GCHFR: variants seen among roughly 807,000 people sequenced by gnomAD.
GCHFR encodes GTP cyclohydrolase I feedback regulator.
In GCHFR, 12 loss-of-function variants were observed where a neutral mutation model predicts 10.6. That is an observed-to-expected ratio of 1.13 (90% CI 0.72 to 1.83). The LOEUF is 1.83. Ranked by LOEUF, GCHFR falls within the 40% of genes most tolerant of loss-of-function variation. The pLI, the probability that GCHFR is intolerant of heterozygous loss-of-function variation, is 0.00. For synonymous variants in GCHFR, 54 were observed against 43.7 expected, an observed-to-expected ratio of 1.24 and a Z score of -0.93; for missense variants, 116 against 110.6, an observed-to-expected ratio of 1.05 and a Z score of -0.22.
chr15:40,766,159 A>C (rs1213716832), intron 2 of GCHFR: 4 of 355,296 alleles, frequency 1.1e-5, no homozygotes, highest in African/African-American at 8.4e-5. Context: ...GCAGAAACAG[A>C]GTCCGTTCCC....
In GCHFR at chr15:40,767,625, C is replaced by A. The variant is rs1161367002; in HGVS notation, c.*276C>A. On this transcript the variant is annotated 3_prime_UTR_variant, in exon 3 of 3. Transcript: ENST00000260447. ...AGGCCATGTTCCTCGGGCAGCTGCC[C>A]CGGGCCGGAGCTGGGCACTCCAGCG... The A allele has an allele frequency of 1.7e-5, 10 of 581,092 alleles. No homozygotes were observed. The highest frequency in any genetic ancestry group is 3.2e-5 in the East Asian group (1 of 31,168). 36.0% of individuals were successfully genotyped at this position (581,092 alleles called of 1,614,324 possible). A position where few individuals can be genotyped will look rare whatever the true frequency, so the allele number is the denominator to read the frequency against.
chr15:40,765,001 G>T (rs573639812), intron 1 of GCHFR, among the ~76,000 whole-genome samples: 1 of 152,170 alleles, frequency 6.6e-6, no homozygotes, highest in Non-Finnish European at 1.5e-5. Context: ...GGTTCACCAC[G>T]CAACAGAGAG....
intron 1 of GCHFR, 67 bp downstream of exon 1, chr15:40,764,283 A>T (rs1458553436): frequency 7.0e-7 from 1 of 1,421,562 alleles, no homozygotes; most frequent in African/African-American, 1.5e-5. Context: ...CTGCACCTTC[A>T]TGCCTCCCTC....
chr15:40,764,402 AGCTCTG>A, intron 1 of GCHFR, 186 bp downstream of exon 1: 1 of 481,688 alleles, frequency 2.1e-6, no homozygotes, highest in Non-Finnish European at 3.6e-6. Flanking sequence ...GGACTCAGCG[AGCTCTG>A]GCCGGCCTGA....
chr15:40,765,630 C>G (rs775717595), intron 1 of GCHFR, 197 bp from the exon 2 acceptor site: 4 of 385,102 alleles, frequency 1.0e-5, no homozygotes, highest in Non-Finnish European at 1.9e-5. Flanking sequence ...CTAGGGAGGG[C>G]GCCTACATTG....
chr15:40,767,340 C>T lies in GCHFR; in HGVS notation c.246C>T (p.His82=). The T allele has an allele frequency of 6.3e-7, 1 of 1,599,720 alleles. No individual in the cohort carries two copies. Among genetic ancestry groups the T allele is most frequent in the Non-Finnish European group, 8.5e-7 (1 of 1,174,258 alleles). The change falls in exon 3 of 3, where the codon CAC becomes CAT. Residue 82 remains histidine (H), a synonymous_variant. Coordinates refer to ENST00000260447, the MANE Select transcript of GCHFR (RefSeq NM_005258.3). ...GVGQTLVWCL[H]KE ...GCCAGACGCTGGTGTGGTGTCTGCA[C>T]AAGGAGTGACCTTCTCATGCTGATT...
chr15:40,767,024 G>A (rs1049426250), intron 2 of GCHFR: 1 of 435,256 alleles, frequency 2.3e-6, no homozygotes, highest in East Asian at 3.5e-5. Context: ...TCACTAGCTT[G>A]TTGGGAAGAA....
chr15:40,767,464 G>C lies in GCHFR; in HGVS notation c.*115G>C. Reference sequence around the variant, plus strand: ...GCTCCTCTCTTCCCAAATCATCACCGCCATGGGCCCAGCCCCAAAGGGCAG... The same window carrying C: ...GCTCCTCTCTTCCCAAATCATCACCCCCATGGGCCCAGCCCCAAAGGGCAG... On this transcript the variant is annotated 3_prime_UTR_variant, in exon 3 of 3. Coordinates refer to ENST00000260447, the MANE Select transcript of GCHFR (RefSeq NM_005258.3). 1 of 1,223,522 alleles carries C rather than the reference G, an allele frequency of 8.2e-7. No individual in the cohort carries two copies. Among genetic ancestry groups the C allele is most frequent in the Non-Finnish European group, 1.1e-6 (1 of 897,412 alleles). The allele number at this position is 1,223,522 out of a possible 1,614,324, so 75.8% of individuals were successfully genotyped here.
At chr15:40,765,955 G>A (rs1276157577) in intron 2 of GCHFR, 34 bp downstream of exon 2, 3 of 1,181,436 alleles carry the variant, frequency 2.5e-6, no homozygotes, top group East Asian at 5.0e-5. Context: ...TCCTCTCCCT[G>A]CCAGCCCCTA....
In GCHFR at chr15:40,767,203, C is replaced by A. The variant is rs200668576; in HGVS notation, c.132-23C>A. ...AGCTTGCTGTGTGCCCCTCCTCACC[C>A]CCCCCATCCTGTCTCTTTGCAGTTA... On this transcript the variant is annotated intron_variant, in intron 2 of 2. Coordinates refer to ENST00000260447, the MANE Select transcript of GCHFR (RefSeq NM_005258.3). The A allele has an allele frequency of 6.1e-4, 901 of 1,474,742 alleles. 1 individual carries two copies. The highest frequency in any genetic ancestry group is 7.4e-4 in the Non-Finnish European group (822 of 1,110,298). 91.4% of individuals were successfully genotyped at this position (1,474,742 alleles called of 1,614,324 possible).
rs532898069 is a variant in GCHFR, at chr15:40,764,313, G to A, written c.36+97G>A. The A allele has an allele frequency of 7.9e-5, 90 of 1,140,712 alleles. No homozygotes were observed. In the African/African-American group the frequency reaches 1.3e-3, roughly 17 times the overall value. 70.7% of individuals were successfully genotyped at this position (1,140,712 alleles called of 1,614,324 possible). A position where few individuals can be genotyped will look rare whatever the true frequency, so the allele number is the denominator to read the frequency against. On this transcript the variant is annotated intron_variant, in intron 1 of 2. Coordinates refer to ENST00000260447, the MANE Select transcript of GCHFR (RefSeq NM_005258.3). ...TCCCTCCTGGGCTGCACCCACCGGG[G>A]ACTGGACCGGGAACCCGCCCAGACA... is the stretch of plus-strand genomic sequence containing the variant.
chr15:40,765,947 C>T, intron 2 of GCHFR, 26 bp downstream of exon 2: 1 of 1,255,210 alleles, frequency 8.0e-7, no homozygotes. Flanking sequence ...CCTCAGTATC[C>T]TCTCCCTGCC....
Position 40,767,378 on chromosome 15 carries a change from ACCC to A in GCHFR, c.*31_*33del, listed in dbSNP as rs2141941785. On this transcript the variant is annotated 3_prime_UTR_variant, in exon 3 of 3. Coordinates refer to ENST00000260447, the MANE Select transcript of GCHFR (RefSeq NM_005258.3). ...TCTCATGCTGATTTGCAGACGGGGCACCCCTGTGGAGGGGCTGCTGTGGGCCCT... is the reference window on the plus strand; with the variant it reads ...TCTCATGCTGATTTGCAGACGGGGCACTGTGGAGGGGCTGCTGTGGGCCCT... 1 of 1,579,270 alleles carries A rather than the reference ACCC, an allele frequency of 6.3e-7. No homozygotes were observed. The highest frequency in any genetic ancestry group is 1.4e-5 in the African/African-American group (1 of 72,784).
In GCHFR at chr15:40,764,168, G is replaced by C; in HGVS notation, c.-13G>C. The C allele has an allele frequency of 1.3e-6, 2 of 1,549,370 alleles. No individual in the cohort carries two copies. Among genetic ancestry groups the C allele is most frequent in the Non-Finnish European group, 1.7e-6 (2 of 1,148,132 alleles). On this transcript the variant is annotated 5_prime_UTR_variant, in exon 1 of 3. Transcript: ENST00000260447. Reference sequence around the variant, plus strand: ...AGAGCCCCCGGTGGGAGCCAGGCCGGGACGCGTGCACCATGCCCTACCTGC... The same window carrying C: ...AGAGCCCCCGGTGGGAGCCAGGCCGCGACGCGTGCACCATGCCCTACCTGC...
rs1167547123 is a variant in GCHFR at position 40,767,384 on chromosome 15, G to A, written c.*35G>A. ...GCTGATTTGCAGACGGGGCACCCCTGTGGAGGGGCTGCTGTGGGCCCTGAC... is the reference window on the plus strand; with the variant it reads ...GCTGATTTGCAGACGGGGCACCCCTATGGAGGGGCTGCTGTGGGCCCTGAC... On this transcript the variant is annotated 3_prime_UTR_variant, in exon 3 of 3. Coordinates refer to ENST00000260447, the MANE Select transcript of GCHFR (RefSeq NM_005258.3). 1.9e-6 allele frequency: 3 copies of A among 1,572,500 alleles called. No individual in the cohort carries two copies. In the East Asian group the frequency reaches 7.2e-5, roughly 38 times the overall value.
intron 2 of GCHFR, 107 bp downstream of exon 2, chr15:40,766,028 C>G (rs1888939737): frequency 6.0e-6 from 3 of 501,390 alleles, no homozygotes; most frequent in Non-Finnish European, 1.1e-5. Context: ...CATCAGAGCC[C>G]CCTGCCTGCA....
rs1294026976 is a variant in GCHFR, at chr15:40,765,179, TTTA to T, written c.37-645_37-643del. The stretch of plus-strand genomic sequence containing the variant: ...ATTCTTATTTCTTAAAAGATATGGC[TTTA>T]TTGATATGTAATGTGCATACCATAA... On this transcript the variant is annotated intron_variant, in intron 1 of 2. Coordinates refer to ENST00000260447, the MANE Select transcript of GCHFR (RefSeq NM_005258.3). 6 of 152,256 alleles carry T rather than the reference TTTA, an allele frequency of 3.9e-5. No individual in the cohort carries two copies. The East Asian group carries it at 1.2e-3, about 29-fold the overall frequency. The allele number at this position is 152,256 out of a possible 1,614,324, so 9.4% of individuals were successfully genotyped here.
chr15:40,765,921 T>C lies in GCHFR; in HGVS notation c.131T>C (p.Phe44Ser), dbSNP rs1888936497. The change falls in exon 2 of 3, where the codon TTT becomes TCT. Residue 44 changes from phenylalanine to serine, a missense_variant and splice_region_variant. By Grantham distance (155) the Phe-to-Ser change is radical (BLOSUM62 -2). Coordinates refer to ENST00000260447, the MANE Select transcript of GCHFR (RefSeq NM_005258.3). The part of the protein sequence containing the change: ...ASKRRALGNN[F>S]YEYYVDDPPR... ...AAGAGAAGAGCCTTGGGAAACAACT[T>C]GTAAGTAGCAGCCTCCCTCAGTATC... is the stretch of plus-strand genomic sequence containing the variant. 1.3e-6 allele frequency: 2 copies of C among 1,523,116 alleles called. No individual in the cohort carries two copies. Among genetic ancestry groups the C allele is most frequent in the Non-Finnish European group, 1.8e-6 (2 of 1,109,264 alleles). The allele number at this position is 1,523,116 out of a possible 1,614,324, so 94.4% of individuals were successfully genotyped here.
chr15:40,765,885 TG>T lies in GCHFR; in HGVS notation c.100del (p.Ala34LeufsTer22). On this transcript the variant is annotated frameshift_variant, in exon 2 of 3. Coordinates refer to ENST00000260447, the MANE Select transcript of GCHFR (RefSeq NM_005258.3). LOFTEE classifies it high-confidence loss of function. ...TCGGATCCAGAGCTGATGCAGCATC[TG>T]GGGGCTTCAAAGAGAAGAGCCTTGG... ...EQSDPELMQH[L>X]GASKRRALGN... 1 of 1,583,138 alleles carries T rather than the reference TG, an allele frequency of 6.3e-7. No individual in the cohort carries two copies.
Sources: allele counts gnomAD v4.1 joint callset (sites outside exome capture counted in the v4.1 genomes callset), GRCh38; gene constraint gnomAD v4.1.1; transcripts MANE v1.5; gene names NCBI Gene and HGNC (gene_info 2026-07-23, HGNC 2026-07-21).